Variants in TRPM6 observed in about 807,000 individuals in gnomAD.
TRPM6 encodes transient receptor potential cation channel subfamily M member 6, also known as channel kinase 2.
In TRPM6, 111 loss-of-function variants were observed where a neutral mutation model predicts 247.6. The ratio of observed to expected loss-of-function variants is 0.45; its 90% CI spans 0.38 to 0.52. The LOEUF (loss-of-function observed/expected upper bound fraction) is 0.52. TRPM6 is among the 20% of genes least tolerant of loss of function. The pLI, the probability that TRPM6 is intolerant of heterozygous loss-of-function variation, is 0.00. For missense variants in TRPM6, 2,126 were observed against 2,421.5 expected, an observed-to-expected ratio of 0.88 and a Z score of 2.56; for synonymous variants, 892 against 853.8, an observed-to-expected ratio of 1.04 and a Z score of -0.78.
intron 1 of TRPM6, 188 bp downstream of exon 1, chr9:74,887,636 A>G (rs1243307242): frequency 1.3e-6 from 2 of 1,565,440 alleles, no homozygotes; most frequent in South Asian, 1.1e-5. Flanking sequence ...ACTACCTTAG[A>G]TAGGATAATC....
At chr9:74,725,246 TAAAAG>T (rs1825276994) in intron 38 of TRPM6, among the ~76,000 whole-genome samples, 2 of 152,200 alleles carry the variant, frequency 1.3e-5, no homozygotes, top group South Asian at 4.2e-4. Context: ...AGAAAAAAGT[TAAAAG>T]AAAATATTAA....
intron 1 of TRPM6, 111 bp downstream of exon 1, chr9:74,887,713 C>T (rs1359665310): frequency 3.1e-6 from 5 of 1,612,316 alleles, no homozygotes; most frequent in Non-Finnish European, 3.4e-6. Context: ...TCTAGATCCT[C>T]GTTAGATGTA....
intron 3 of TRPM6, among the ~76,000 whole-genome samples, chr9:74,842,906 T>C (rs1175320382): frequency 2.0e-5 from 3 of 152,340 alleles, no homozygotes; most frequent in East Asian, 1.9e-4. Context: ...GCTGGGGCTA[T>C]GTCTTAAAAT....
chr9:74,748,658 T>C (rs966902411), intron 30 of TRPM6, among the ~76,000 whole-genome samples: 2 of 152,198 alleles, frequency 1.3e-5, no homozygotes, highest in African/African-American at 2.4e-5. Flanking sequence ...AATAAGGATA[T>C]AAAGAAAGAA....
intron 1 of TRPM6, among the ~76,000 whole-genome samples, chr9:74,874,878 C>T (rs560026411): frequency 6.6e-6 from 1 of 151,786 alleles, no homozygotes; most frequent in South Asian, 2.1e-4. Flanking sequence ...GCCTCAGCCT[C>T]CACAGTAGCT....
Position 74,762,757 on chromosome 9 carries a change from T to C in TRPM6, c.3914A>G (p.Asn1305Ser). The change falls in exon 26 of 39, where the codon AAC becomes AGC. Residue 1305 changes from asparagine to serine, a missense_variant. Physicochemically the swap from Asn to Ser is conservative, Grantham distance 46 (BLOSUM62 1). This residue lies in a region of TRPM6 where 717 missense variants were observed against 715.9 expected (regional missense o/e 1.00). Coordinates refer to ENST00000360774, the MANE Select transcript of TRPM6 (RefSeq NM_017662.5). ...TACATTTGTAGCCTCTCTTTTACTG[T>C]TTGTAATCTCAAGAAGTGCCCCCCT... ...VQRGALLEIT[N>S]SKREATNVRN... 1 of 1,614,138 alleles carries C rather than the reference T, an allele frequency of 6.2e-7. No homozygotes were observed. The highest frequency in any genetic ancestry group is 8.5e-7 in the Non-Finnish European group (1 of 1,180,020).
intron 13 of TRPM6, among the ~76,000 whole-genome samples, chr9:74,809,643 C>T (rs1828654681): frequency 1.3e-5 from 2 of 151,868 alleles, no homozygotes; most frequent in Admixed American, 6.6e-5. Context: ...TCAATACAAA[C>T]TAAATTTACA....
chr9:74,849,351 C>CA (rs11333236), intron 3 of TRPM6, among the ~76,000 whole-genome samples: 9,160 of 69,086 alleles, frequency 0.13, 549 homozygotes, highest in South Asian at 0.22. Context: ...AACTTCATCT[C>CA]AAAAAAAAAA....
intron 3 of TRPM6, among the ~76,000 whole-genome samples, chr9:74,852,344 C>G (rs1370890980): frequency 6.6e-6 from 1 of 151,710 alleles, no homozygotes; most frequent in African/African-American, 2.4e-5. Context: ...AGCATGTGCC[C>G]ACCACACTTA....
chr9:74,782,588 T>G, intron 22 of TRPM6, 91 bp downstream of exon 22: 2 of 1,533,094 alleles, frequency 1.3e-6, no homozygotes, highest in Admixed American at 3.4e-5. Flanking sequence ...TCAAACATTT[T>G]TAAGATTTAG....
At chr9:74,787,877 G>T (rs559656680) in intron 20 of TRPM6, among the ~76,000 whole-genome samples, 10 of 152,022 alleles carry the variant, frequency 6.6e-5, no homozygotes, top group African/African-American at 2.2e-4. Flanking sequence ...CACCATGCCC[G>T]GCTAATTTTT....
chr9:74,742,279 T>TGA (rs1825891630), intron 33 of TRPM6, among the ~76,000 whole-genome samples: 1 of 152,236 alleles, frequency 6.6e-6, no homozygotes, highest in African/African-American at 2.4e-5. Context: ...CTTTCCTACT[T>TGA]ACTTCCAGCC....
intron 9 of TRPM6, among the ~76,000 whole-genome samples, chr9:74,820,008 TTTTAC>T (rs1381257605): frequency 2.6e-5 from 4 of 151,948 alleles, no homozygotes; most frequent in Admixed American, 6.5e-5. Flanking sequence ...TTTTAAATAA[TTTTAC>T]TTTATTTTAA....
At chr9:74,726,830 G>C (rs1388433233) in intron 38 of TRPM6, among the ~76,000 whole-genome samples, 2 of 152,136 alleles carry the variant, frequency 1.3e-5, no homozygotes, top group African/African-American at 2.4e-5. Context: ...CCCTTACCTG[G>C]AGGTCCTGAT....
At chr9:74,730,493 G>T (rs893926998) in intron 37 of TRPM6, among the ~76,000 whole-genome samples, 2 of 152,058 alleles carry the variant, frequency 1.3e-5, no homozygotes, top group Admixed American at 6.6e-5. Context: ...TTTTGAACTG[G>T]GATTGAAAAT....
rs370882590 is a variant in TRPM6, at chr9:74,739,822, C to A, written c.5388G>T (p.Lys1796Asn). The part of the protein sequence containing the change: ...VSTWSEDDIL[K>N]PGQVFIVKSF... ...ACTTGACAATGAAAACTTGTCCCGG[C>A]TTGAGAATGTCATCCTCAGACCAAG... Residue 1796 changes from lysine to asparagine, a missense_variant, in exon 34 of 39, where the codon AAG (lysine) becomes AAT (asparagine). Transcript: ENST00000360774. 39 of 1,614,062 alleles carry A rather than the reference C, an allele frequency of 2.4e-5. No homozygotes were observed. The highest frequency in any genetic ancestry group is 3.1e-5 in the Non-Finnish European group (37 of 1,180,042).
intron 13 of TRPM6, 119 bp from the exon 14 acceptor site, chr9:74,808,293 T>A (rs1828605094): frequency 2.4e-6 from 3 of 1,246,102 alleles, no homozygotes; most frequent in African/African-American, 1.5e-5. Flanking sequence ...TTTAAATATC[T>A]TTACAAACTG....
At chr9:74,863,425 A>G (rs1195137895) in intron 1 of TRPM6, among the ~76,000 whole-genome samples, 2 of 152,148 alleles carry the variant, frequency 1.3e-5, no homozygotes, top group African/African-American at 2.4e-5. Context: ...ATGGCACTCA[A>G]AAAGTTTCAG....
At chr9:74,839,110 C>CA (rs1041936045) in intron 5 of TRPM6, among the ~76,000 whole-genome samples, 8,385 of 62,376 alleles carry the variant, frequency 0.13, 433 homozygotes, top group African/African-American at 0.23. Context: ...GACTTCATCT[C>CA]AAAAAAAAAA....
Sources: gnomAD v4.1 joint callset for allele counts (sites outside exome capture counted in the v4.1 genomes callset) on GRCh38, gnomAD v4.1.1 for gene constraint, gnomAD v4.1.1 regional missense constraint, MANE v1.5 for transcripts, NCBI Gene and HGNC (gene_info 2026-07-23, HGNC 2026-07-21) for gene names.